Variants in ATP9B observed in about 807,000 individuals in gnomAD.
The protein encoded by ATP9B is probable phospholipid-transporting ATPase IIB.
In ATP9B, 110 loss-of-function variants were observed where a neutral mutation model predicts 146.1. The observed-to-expected ratio is 0.75, with a 90% CI of 0.65 to 0.88. The LOEUF (loss-of-function observed/expected upper bound fraction) is 0.88, where lower values mean the gene tolerates loss of function less well. ATP9B is among the 40% of genes least tolerant of loss of function. ATP9B has a pLI of 0.00. For synonymous variants in ATP9B, 604 were observed against 569.7 expected, an observed-to-expected ratio of 1.06 and a Z score of -0.86; for missense variants, 1,499 against 1,496.4, an observed-to-expected ratio of 1.00 and a Z score of -0.03.
At chr18:79,179,986 A>G (rs2095231174) in intron 8 of ATP9B, among the ~76,000 whole-genome samples, 1 of 152,200 alleles carries the variant, frequency 6.6e-6, no homozygotes, top group African/African-American at 2.4e-5. Flanking sequence ...ACACTTTCAG[A>G]ATTACTATAT....
intron 12 of ATP9B, among the ~76,000 whole-genome samples, chr18:79,271,277 G>A (rs2096250779): frequency 1.3e-5 from 2 of 152,056 alleles, no homozygotes; most frequent in Non-Finnish European, 1.5e-5. Flanking sequence ...TAGGGTACAT[G>A]TGCACAACGT....
rs144759420 is a variant in ATP9B, at chr18:79,230,909, C to T, written c.1107+16871C>T. On this transcript the variant is annotated intron_variant, in intron 11 of 29. Transcript: ENST00000426216. ...CAACAACGCAAACAAAAACATAAAGCGAGTAAAGGACACCCTATTCAACAA... is the reference window on the plus strand; with the variant it reads ...CAACAACGCAAACAAAAACATAAAGTGAGTAAAGGACACCCTATTCAACAA... Among the ~76,000 whole-genome samples, 19 of 152,100 alleles carry T rather than the reference C, an allele frequency of 1.2e-4. 1 individual carries two copies. The East Asian group carries it at 3.1e-3, about 25-fold the overall frequency.
chr18:79,236,451 A>C (rs116164991), intron 11 of ATP9B, among the ~76,000 whole-genome samples: 2,357 of 150,944 alleles, frequency 0.016, 66 homozygotes, highest in African/African-American at 0.055. Flanking sequence ...AGCAACTCTC[A>C]GTTGTAACAT....
intron 11 of ATP9B, among the ~76,000 whole-genome samples, chr18:79,241,318 T>C (rs1446428645): frequency 1.3e-5 from 2 of 151,406 alleles, no homozygotes; most frequent in Non-Finnish European, 2.9e-5. Flanking sequence ...TCCTCTGTTA[T>C]GGCCTCGCTA....
rs753130079 is a variant in ATP9B, at chr18:79,377,374, G to A, written c.3435G>A (p.Leu1145=). The change falls in exon 30 of 30, where the codon CTG becomes CTA. Residue 1145 remains leucine, a synonymous_variant. Transcript: ENST00000426216. ...RKLSPPSYCK[L]AS ...TCTCTCCTCCCAGCTACTGCAAGCT[G>A]GCCTCCTAAGGGGCTGTGCACCCCC... 1.9e-6 allele frequency: 3 copies of A among 1,608,008 alleles called. No individual in the cohort carries two copies. Among genetic ancestry groups the A allele is most frequent in the East Asian group, 2.2e-5 (1 of 44,882 alleles).
intron 4 of ATP9B, among the ~76,000 whole-genome samples, chr18:79,118,087 C>T (rs568663266): frequency 1.3e-5 from 2 of 152,270 alleles, no homozygotes; most frequent in South Asian, 4.1e-4. Context: ...TATACCACAA[C>T]TGATTCATCC....
intron 4 of ATP9B, among the ~76,000 whole-genome samples, chr18:79,125,163 A>T (rs1468346734): frequency 2.0e-5 from 3 of 152,158 alleles, no homozygotes; most frequent in Non-Finnish European, 2.9e-5. Flanking sequence ...GATGGTGCAG[A>T]GTGCAGACTA....
chr18:79,217,620 C>T (rs1291294654), intron 11 of ATP9B, among the ~76,000 whole-genome samples: 1 of 152,056 alleles, frequency 6.6e-6, no homozygotes, highest in African/African-American at 2.4e-5. Flanking sequence ...CTACACTGGG[C>T]GAAAGGTAAC....
chr18:79,345,920 A>C (rs943093109), intron 23 of ATP9B, 81 bp downstream of exon 23: 23 of 1,468,330 alleles, frequency 1.6e-5, no homozygotes, highest in Non-Finnish European at 2.0e-5. Context: ...GCCACTGTAC[A>C]CTCAGCACCT....
At chr18:79,370,161 T>C (rs1276440583) in intron 26 of ATP9B, among the ~76,000 whole-genome samples, 1 of 152,250 alleles carries the variant, frequency 6.6e-6, no homozygotes, top group East Asian at 1.9e-4. Context: ...TTTGGTATGA[T>C]AGAAATATAC....
At chr18:79,125,972 T>C (rs1485790940) in intron 4 of ATP9B, among the ~76,000 whole-genome samples, 1 of 152,210 alleles carries the variant, frequency 6.6e-6, no homozygotes, top group African/African-American at 2.4e-5. Flanking sequence ...TGTGGATTTA[T>C]TGAAGATTGT....
intron 10 of ATP9B, among the ~76,000 whole-genome samples, chr18:79,210,997 T>A (rs1005572287): frequency 3.9e-5 from 6 of 152,230 alleles, no homozygotes; most frequent in African/African-American, 1.2e-4. Context: ...TTTGTGTTTT[T>A]AAATAATTTT....
chr18:79,351,582 A>G (rs556982148), intron 25 of ATP9B, among the ~76,000 whole-genome samples: 7 of 152,314 alleles, frequency 4.6e-5, no homozygotes, highest in African/African-American at 1.7e-4. Flanking sequence ...CTAGAACAAA[A>G]TCATGTCTAT....
intron 9 of ATP9B, among the ~76,000 whole-genome samples, chr18:79,198,652 A>G (rs924957565): frequency 5.9e-5 from 9 of 152,222 alleles, no homozygotes; most frequent in African/African-American, 1.9e-4. Flanking sequence ...ACTGTGTTTA[A>G]TAATGTGGGC....
chr18:79,373,661 T>C (rs2097086429), intron 27 of ATP9B, among the ~76,000 whole-genome samples: 1 of 152,106 alleles, frequency 6.6e-6, no homozygotes, highest in Non-Finnish European at 1.5e-5. Flanking sequence ...GGCTAATTTT[T>C]TGTATCTTTA....
intron 13 of ATP9B, among the ~76,000 whole-genome samples, chr18:79,282,792 T>C (rs1054548737): frequency 1.3e-5 from 2 of 152,082 alleles, no homozygotes; most frequent in South Asian, 4.2e-4. Context: ...ATATCCTCAA[T>C]TGGAAAGGGC....
At chr18:79,341,710 G>A (rs190637412) in intron 19 of ATP9B, among the ~76,000 whole-genome samples, 74 of 142,496 alleles carry the variant, frequency 5.2e-4, no homozygotes, top group African/African-American at 1.7e-3. Flanking sequence ...TGAAGCCTGC[G>A]TTGCCGACAC....
At chr18:79,176,750 T>C in intron 7 of ATP9B, 63 bp from the exon 8 acceptor site, 1 of 1,360,266 alleles carries the variant, frequency 7.4e-7, no homozygotes, top group Admixed American at 1.7e-5. Context: ...ATGGCACCTG[T>C]AGCTCAGGAA....
intron 5 of ATP9B, among the ~76,000 whole-genome samples, chr18:79,137,486 C>G (rs183001088): frequency 6.6e-6 from 1 of 152,236 alleles, no homozygotes; most frequent in East Asian, 1.9e-4. Flanking sequence ...GGGGCATGCT[C>G]CATGGGGTTG....
Sources: gnomAD v4.1 joint callset for allele counts (sites outside exome capture counted in the v4.1 genomes callset) on GRCh38, gnomAD v4.1.1 for gene constraint, MANE v1.5 for transcripts, NCBI Gene and HGNC (gene_info 2026-07-23, HGNC 2026-07-21) for gene names.